The following GALK2 variants were observed in gnomAD, a reference collection of about 807,000 sequenced individuals.
GALK2 encodes the protein galactokinase 2.
In GALK2, 36 loss-of-function variants were observed where a neutral mutation model predicts 52.4. That is an observed-to-expected ratio of 0.69 (90% CI 0.53 to 0.91). The LOEUF is 0.91. GALK2 is among the 40% of genes least tolerant of loss of function. GALK2 has a pLI of 0.00. For synonymous variants in GALK2, 176 were observed against 199.1 expected (o/e 0.88, Z 0.98); for missense variants, 579 against 559.1 (o/e 1.04, Z -0.36).
At chr15:49,233,589 A>C (rs963466141) in intron 3 of GALK2, among the ~76,000 whole-genome samples, 1 of 152,102 alleles carries the variant, frequency 6.6e-6, no homozygotes, top group Non-Finnish European at 1.5e-5. Context: ...GACTTTCAAG[A>C]TGTCCTTTTA....
intron 3 of GALK2, among the ~76,000 whole-genome samples, chr15:49,339,968 C>G (rs569396173): frequency 3.3e-4 from 50 of 152,292 alleles, no homozygotes; most frequent in African/African-American, 1.2e-3. Context: ...ACCCCTCCCC[C>G]CACCAAGCTT....
chr15:49,272,124 A>G (rs1296542313), intron 5 of GALK2, among the ~76,000 whole-genome samples: 1 of 152,116 alleles, frequency 6.6e-6, no homozygotes, highest in African/African-American at 2.4e-5. Context: ...TGGACTTTTG[A>G]GCCAGGCCTT....
chr15:49,212,733 A>G (rs2089027255), intron 2 of GALK2, among the ~76,000 whole-genome samples: 1 of 151,998 alleles, frequency 6.6e-6, no homozygotes, highest in Non-Finnish European at 1.5e-5. Context: ...AAATTTAAAA[A>G]TTTCTTAATT....
chr15:49,252,080 A>G (rs1184178157), intron 5 of GALK2, among the ~76,000 whole-genome samples: 3 of 152,192 alleles, frequency 2.0e-5, no homozygotes, highest in Non-Finnish European at 4.4e-5. Flanking sequence ...ACCCTGGCCA[A>G]CATGGTGAAA....
intron 3 of GALK2, chr15:49,225,318 G>T (rs1162798561): frequency 2.2e-6 from 1 of 447,330 alleles, no homozygotes; most frequent in African/African-American, 2.0e-5. Flanking sequence ...ACTGCTTCAT[G>T]GCCTGTTCAG....
At chr15:49,366,464 T>C (rs2045208447) in intron 3 of GALK2, 4 of 1,018,564 alleles carry the variant, frequency 3.9e-6, no homozygotes, top group Middle Eastern at 2.0e-4. Flanking sequence ...ATCAGAAAGG[T>C]TGCATAGTGG....
At chr15:49,269,181 T>G (rs755131115) in intron 5 of GALK2, among the ~76,000 whole-genome samples, 9 of 152,154 alleles carry the variant, frequency 5.9e-5, no homozygotes, top group Non-Finnish European at 1.2e-4. Context: ...TTCATGAAAG[T>G]TATTGGTTGT....
intron 5 of GALK2, among the ~76,000 whole-genome samples, chr15:49,257,338 C>T (rs777700741): frequency 6.6e-6 from 1 of 152,130 alleles, no homozygotes; most frequent in Non-Finnish European, 1.5e-5. Flanking sequence ...TTGTCACCTG[C>T]CTCTTACATT....
chr15:49,203,113 C>T (rs1292876589), intron 2 of GALK2, among the ~76,000 whole-genome samples: 3 of 151,964 alleles, frequency 2.0e-5, no homozygotes, highest in Admixed American at 6.6e-5. Context: ...TGCAGTGGCA[C>T]GATCTGGGCT....
intron 1 of GALK2, among the ~76,000 whole-genome samples, chr15:49,179,135 CT>C (rs1410713451): frequency 6.6e-6 from 1 of 152,088 alleles, no homozygotes; most frequent in African/African-American, 2.4e-5. Context: ...ATTCACCCTC[CT>C]TTCCCAATGG....
At chr15:49,206,686 T>C (rs1331723453) in intron 2 of GALK2, among the ~76,000 whole-genome samples, 3 of 152,206 alleles carry the variant, frequency 2.0e-5, no homozygotes, top group African/African-American at 7.2e-5. Flanking sequence ...TACATTAATC[T>C]TGTATCTGGA....
chr15:49,258,829 T>TGTGTGTGAGAGAGA (rs1335491479), intron 5 of GALK2, among the ~76,000 whole-genome samples: 1 of 124,046 alleles, frequency 8.1e-6, no homozygotes, highest in African/African-American at 3.2e-5. Flanking sequence ...TGTGTGTGTG[T>TGTGTGTGAGAGAGA]GAGAGAGAGA....
chr15:49,245,367 T>G (rs2091297331), intron 5 of GALK2, among the ~76,000 whole-genome samples: 1 of 152,180 alleles, frequency 6.6e-6, no homozygotes, highest in Non-Finnish European at 1.5e-5. Flanking sequence ...GTTATAAGCC[T>G]TTTACCTCTA....
Position 49,260,297 on chromosome 15 carries a change from A to G in GALK2, c.504+20930A>G, listed in dbSNP as rs552440593. Among the ~76,000 whole-genome samples, 979 of 152,184 alleles carry G rather than the reference A, an allele frequency of 6.4e-3. 15 individuals carry two copies. Among genetic ancestry groups the G allele is most frequent in the African/African-American group, 0.022 (923 of 41,504 alleles). On this transcript the variant is annotated intron_variant, in intron 5 of 9. Transcript: ENST00000560031. Reference sequence around the variant, plus strand: ...TCTAACTGGTGTGAGATGGTATCTCATTGTGGTTTTGATTTGCATTCCTCT... The same window carrying G: ...TCTAACTGGTGTGAGATGGTATCTCGTTGTGGTTTTGATTTGCATTCCTCT...
At chr15:49,322,626 C>A (rs147142645) in intron 9 of GALK2, among the ~76,000 whole-genome samples, 2,998 of 152,118 alleles carry the variant, frequency 0.02, 47 homozygotes, top group African/African-American at 0.031. Context: ...ATCTTTGTAC[C>A]GTGTGAAATT....
intron 3 of GALK2, among the ~76,000 whole-genome samples, chr15:49,222,017 A>T (rs2089831284): frequency 6.6e-6 from 1 of 152,082 alleles, no homozygotes; most frequent in Admixed American, 6.5e-5. Context: ...TAACAATATT[A>T]ATTTTTTCCA....
intron 2 of GALK2, among the ~76,000 whole-genome samples, chr15:49,211,850 A>G (rs2088923300): frequency 6.6e-6 from 1 of 152,156 alleles, no homozygotes; most frequent in African/African-American, 2.4e-5. Flanking sequence ...GATTCAATCA[A>G]CACCCACCAG....
intron 9 of GALK2, among the ~76,000 whole-genome samples, chr15:49,324,069 C>A (rs999562363): frequency 6.6e-6 from 1 of 152,160 alleles, no homozygotes; most frequent in East Asian, 1.9e-4. Context: ...ACAGCTCATT[C>A]ACTATTGGTT....
chr15:49,195,062 C>T (rs2141278652), intron 1 of GALK2: 1 of 450,886 alleles, frequency 2.2e-6, no homozygotes. Flanking sequence ...CTTTTCATTT[C>T]TTATTTTTTT....
Sources: allele counts gnomAD v4.1 joint callset (sites outside exome capture counted in the v4.1 genomes callset), GRCh38; gene constraint gnomAD v4.1.1; transcripts MANE v1.5; gene names NCBI Gene and HGNC (gene_info 2026-07-23, HGNC 2026-07-21).